PLK3: variants seen among roughly 807,000 people sequenced by gnomAD.
PLK3 encodes polo like kinase 3.
Under a neutral mutation model 71.6 loss-of-function variants are expected in PLK3, and 41 were observed. The ratio of observed to expected loss-of-function variants is 0.57; its 90% CI spans 0.45 to 0.74. The LOEUF (loss-of-function observed/expected upper bound fraction) is 0.74. Among genes scored for constraint, PLK3 ranks in the 30% least tolerant of loss-of-function variants. The pLI is 0.00. For missense variants in PLK3, 791 were observed against 875.6 expected (o/e 0.90, Z 1.22); for synonymous variants, 366 against 355.4 (o/e 1.03, Z -0.33).
At position 44,800,785 on chromosome 1, in the gene PLK3, C is replaced by T; in HGVS notation, c.211-55C>T. On this transcript the variant is annotated intron_variant, in intron 1 of 14. Transcript: ENST00000372201. This position sits in a 1 kb window ranked among gnomAD's most constrained non-coding sequence, Gnocchi z 6.5. ...ACTTGACCCCCAACGCGGGGACGCC[C>T]GCGGGCCAGACTCGGCCCCCCTGGA... 2 of 1,559,734 alleles carry T rather than the reference C, an allele frequency of 1.3e-6. No individual in the cohort carries two copies. The highest frequency in any genetic ancestry group is 1.7e-6 in the Non-Finnish European group (2 of 1,152,450).
Position 44,805,629 on chromosome 1 carries a change from A to T in PLK3, c.1892A>T (p.Gln631Leu), listed in dbSNP as rs772014699. 1 of 1,614,022 alleles carries T rather than the reference A, an allele frequency of 6.2e-7. No homozygotes were observed. Among genetic ancestry groups the T allele is most frequent in the Non-Finnish European group, 8.5e-7 (1 of 1,179,994 alleles). ...CTGGGCTGCTCTCCAGACCTGCGGC[A>T]GCGACTCCGCTATGCTCTGCGCCTG... ...RQLGCSPDLR[Q>L]RLRYALRLLR... Residue 631 changes from glutamine (Q) to leucine (L), a missense_variant, in exon 15 of 15, where the codon CAG (glutamine) becomes CTG (leucine). Physicochemically the swap from Gln to Leu is moderately radical, Grantham distance 113. Coordinates refer to ENST00000372201, the MANE Select transcript of PLK3 (RefSeq NM_004073.4).
intron 3 of PLK3, 46 bp from the exon 4 acceptor site, chr1:44,801,576 G>C (rs749267376): frequency 4.4e-6 from 7 of 1,597,984 alleles, no homozygotes; most frequent in Non-Finnish European, 5.1e-6. Context: ...TGGAGGGGGA[G>C]GGGGAGGGAG....
chr1:44,801,413 T>G (rs1651826541), intron 3 of PLK3, among the ~76,000 whole-genome samples: 1 of 152,122 alleles, frequency 6.6e-6, no homozygotes, highest in African/African-American at 2.4e-5. Context: ...TTTCACCCTG[T>G]TGGTCAGGCT....
chr1:44,801,594 C>G, intron 3 of PLK3, 28 bp from the exon 4 acceptor site: 1 of 1,605,684 alleles, frequency 6.2e-7, no homozygotes, highest in Non-Finnish European at 8.5e-7. Flanking sequence ...GAGGGCTCAC[C>G]AGGGGCTGAG....
In PLK3 at chr1:44,805,722, G is replaced by C. The variant is rs1264521012; in HGVS notation, c.*44G>C. 6.3e-7 allele frequency: 1 copy of C among 1,580,712 alleles called. No homozygotes were observed. Among genetic ancestry groups the C allele is most frequent in the African/African-American group, 1.3e-5 (1 of 74,176 alleles). ...TGAGGCCTGTGCCTGTCAGGCTCTG[G>C]CCCTTGCCTTTGTGGCCTTCCCCCT... On this transcript the variant is annotated 3_prime_UTR_variant, in exon 15 of 15. Transcript: ENST00000372201.
At chr1:44,804,879 G>A in intron 13 of PLK3, 100 bp downstream of exon 13, 2 of 1,177,474 alleles carry the variant, frequency 1.7e-6, no homozygotes, top group Non-Finnish European at 2.4e-6. Flanking sequence ...GCCGAGGCGG[G>A]TGGATTATGA....
At chr1:44,805,402 C>G in intron 14 of PLK3, 23 bp downstream of exon 14, 2 of 1,608,118 alleles carry the variant, frequency 1.2e-6, no homozygotes, top group Non-Finnish European at 1.7e-6. Flanking sequence ...CCAGGAGTTG[C>G]GGGAAGGTCT....
chr1:44,800,697 G>T lies in PLK3; in HGVS notation c.210+24G>T. On this transcript the variant is annotated intron_variant, in intron 1 of 14. Coordinates refer to ENST00000372201, the MANE Select transcript of PLK3 (RefSeq NM_004073.4). The surrounding 1 kb of genome is among the most constrained non-coding windows in gnomAD (Gnocchi z 6.5). The stretch of plus-strand genomic sequence containing the variant: ...AGGTGGGCCGAGGGACGTCCGCGGG[G>T]TGGTGATGGTGGAGGTGGGGGTCCC... 6.5e-7 allele frequency: 1 copy of T among 1,548,634 alleles called. No individual in the cohort carries two copies. Among genetic ancestry groups the T allele is most frequent in the Non-Finnish European group, 8.7e-7 (1 of 1,151,104 alleles).
rs147444562 is a variant in PLK3, at chr1:44,803,635, G to A, written c.1108G>A (p.Gly370Ser). 2.2e-4 allele frequency: 363 copies of A among 1,614,028 alleles called. No individual in the cohort carries two copies. The highest frequency in any genetic ancestry group is 2.7e-4 in the Non-Finnish European group (323 of 1,179,938). Residue 370 changes from glycine (G) to serine (S), a missense_variant, in exon 9 of 15, where the codon GGT (glycine) becomes AGT (serine). By Grantham distance (56) the Gly-to-Ser change is moderately conservative. Coordinates refer to ENST00000372201, the MANE Select transcript of PLK3 (RefSeq NM_004073.4). The surrounding 1 kb of genome is among the most constrained non-coding windows in gnomAD (Gnocchi z 4.3). Reference sequence around the variant, plus strand: ...TGCCCAGGAGAGGGATGAGGTCTCCGGTTTGGTGAGCGGCCTCATGCGCAC... The same window carrying A: ...TGCCCAGGAGAGGGATGAGGTCTCCAGTTTGGTGAGCGGCCTCATGCGCAC... ...NHAQERDEVS[G>S]LVSGLMRTSV...
In PLK3 at chr1:44,800,801, C is replaced by T. The variant is rs748704865; in HGVS notation, c.211-39C>T. The T allele has an allele frequency of 1.5e-5, 24 of 1,578,556 alleles. 1 individual carries two copies. The highest frequency in any genetic ancestry group is 1.8e-5 in the Non-Finnish European group (21 of 1,162,342). On this transcript the variant is annotated intron_variant, in intron 1 of 14. Coordinates refer to ENST00000372201, the MANE Select transcript of PLK3 (RefSeq NM_004073.4). This position sits in a 1 kb window ranked among gnomAD's most constrained non-coding sequence, Gnocchi z 6.5. ...GGGGACGCCCGCGGGCCAGACTCGG[C>T]CCCCCTGGAACAACCAGCCTGATGC...
intron 6 of PLK3, 28 bp from the exon 7 acceptor site, chr1:44,802,927 C>T (rs1280680133): frequency 2.5e-6 from 4 of 1,612,460 alleles, no homozygotes; most frequent in Middle Eastern, 3.3e-4. Context: ...CTCCACTTTA[C>T]TCCTGACCCC....
chr1:44,805,129 AAACT>A (rs1300567276), intron 13 of PLK3, 133 bp from the exon 14 acceptor site: 2 of 640,398 alleles, frequency 3.1e-6, no homozygotes, highest in Non-Finnish European at 5.5e-6. Context: ...AAAGAAAAGA[AAACT>A]AACCCATCCT....
At position 44,805,664 on chromosome 1, in the gene PLK3, C is replaced by T; in HGVS notation, c.1927C>T (p.Arg643Cys). The change falls in exon 15 of 15, where the codon CGC becomes TGC. Residue 643 changes from arginine to cysteine, a missense_variant. Transcript: ENST00000372201. ...CTATGCTCTGCGCCTGCTCCGGGAC[C>T]GCAGCCCAGCCTAGGACCCAAGCCC... ...LRYALRLLRDRSPA is the reference protein window; with the variant it reads ...LRYALRLLRDCSPA The T allele has an allele frequency of 1.2e-6, 2 of 1,612,382 alleles. No individual in the cohort carries two copies. The highest frequency in any genetic ancestry group is 1.3e-5 in the African/African-American group (1 of 75,080).
Position 44,801,087 on chromosome 1 carries a change from C to A in PLK3, c.370C>A (p.Arg124Ser), listed in dbSNP as rs758824217. 1.2e-6 allele frequency: 2 copies of A among 1,613,432 alleles called. No individual in the cohort carries two copies. Among genetic ancestry groups the A allele is most frequent in the Admixed American group, 3.3e-5 (2 of 59,986 alleles). The change falls in exon 3 of 15, where the codon CGT becomes AGT. Residue 124 changes from arginine (R) to serine (S), a missense_variant. Transcript: ENST00000372201. ...AGACCTGCAGCACCGCCACATCGTG[C>A]GTTTTTCGCACCACTTTGAGGACGC... is the stretch of plus-strand genomic sequence containing the variant. Reference protein sequence around the residue: ...HRDLQHRHIVRFSHHFEDADN... With the variant: ...HRDLQHRHIVSFSHHFEDADN...
In PLK3 at chr1:44,804,148, C is replaced by T; in HGVS notation, c.1259-15C>T. 6.2e-7 allele frequency: 1 copy of T among 1,608,446 alleles called. No individual in the cohort carries two copies. Among genetic ancestry groups the T allele is most frequent in the Non-Finnish European group, 8.5e-7 (1 of 1,174,844 alleles). The stretch of plus-strand genomic sequence containing the variant: ...GGGTGCTAATTCCTAAATCTCAGTG[C>T]CCTGTCTCCTTCAGGATTTGAAGAA... On this transcript the variant is annotated splice_polypyrimidine_tract_variant and intron_variant, in intron 10 of 14. Coordinates refer to ENST00000372201, the MANE Select transcript of PLK3 (RefSeq NM_004073.4).
At position 44,805,092 on chromosome 1, in the gene PLK3, C is replaced by T. The variant is rs572074001; in HGVS notation, c.1636-174C>T. ...TTGCACTCCAGCCTGGGCAACAGAG[C>T]GAGACTCCATCTCAAAAAAAAAAAA... On this transcript the variant is annotated intron_variant, in intron 13 of 14. Transcript: ENST00000372201. 2.3e-4 allele frequency: 138 copies of T among 594,122 alleles called. 1 individual carries two copies. The highest frequency in any genetic ancestry group is 2.1e-3 in the Admixed American group (72 of 34,492). 36.8% of individuals were successfully genotyped at this position (594,122 alleles called of 1,614,324 possible). A position where few individuals can be genotyped will look rare whatever the true frequency, so the allele number is the denominator to read the frequency against.
intron 13 of PLK3, 45 bp downstream of exon 13, chr1:44,804,824 G>T: frequency 6.3e-7 from 1 of 1,599,250 alleles, no homozygotes; most frequent in Non-Finnish European, 8.5e-7. Context: ...AACCCATCCT[G>T]GCCGGGTGCG....
chr1:44,801,665 C>G lies in PLK3; in HGVS notation c.479C>G (p.Pro160Arg). 1 of 1,613,684 alleles carries G rather than the reference C, an allele frequency of 6.2e-7. No individual in the cohort carries two copies. Among genetic ancestry groups the G allele is most frequent in the Non-Finnish European group, 8.5e-7 (1 of 1,179,944 alleles). Residue 160 changes from proline (P) to arginine (R), a missense_variant, in exon 4 of 15, where the codon CCA (proline) becomes CGA (arginine). Physicochemically the swap from Pro to Arg is moderately radical, Grantham distance 103 (BLOSUM62 -2). Transcript: ENST00000372201. ...IWKARHTLLE[P>R]EVRYYLRQIL... ...AAGGCCCGGCACACCCTGTTGGAGC[C>G]AGAAGTGCGCTACTACCTGCGGCAG...
rs958252147 is a variant in PLK3, at chr1:44,803,129, C to A, written c.924C>A (p.Ile308=). The change falls in exon 7 of 15, where the codon ATC becomes ATA. Residue 308 remains isoleucine (I), a synonymous_variant. Transcript: ENST00000372201. The surrounding 1 kb of genome is among the most constrained non-coding windows in gnomAD (Gnocchi z 4.3). Reference sequence around the variant, plus strand: ...GAGACCGCCCCTCTATTGACCAGATCCTGCGCCATGACTTCTTTACCAAGG... The same window carrying A: ...GAGACCGCCCCTCTATTGACCAGATACTGCGCCATGACTTCTTTACCAAGG... ...SPRDRPSIDQ[I]LRHDFFTKGY... The A allele has an allele frequency of 6.2e-7, 1 of 1,613,780 alleles. No individual in the cohort carries two copies. The highest frequency in any genetic ancestry group is 8.5e-7 in the Non-Finnish European group (1 of 1,180,000).
Sources: gnomAD v4.1 joint callset for allele counts (sites outside exome capture counted in the v4.1 genomes callset) on GRCh38, gnomAD v4.1.1 for gene constraint, Gnocchi (gnomAD v3.1) non-coding constraint, MANE v1.5 for transcripts, NCBI Gene and HGNC (gene_info 2026-07-23, HGNC 2026-07-21) for gene names.